The following ATP2B1 variants were observed in gnomAD, a reference collection of about 807,000 sequenced individuals.
The protein encoded by ATP2B1 is ATPase plasma membrane Ca2+ transporting 1, also known as plasma membrane calcium-transporting ATPase 1.
ATP2B1 carries 14 observed loss-of-function variants against 124.2 expected under a neutral mutation model. The ratio of observed to expected loss-of-function variants is 0.11; its 90% CI spans 0.07 to 0.18. The LOEUF is 0.18. Among genes scored for constraint, ATP2B1 ranks in the 10% least tolerant of loss-of-function variants. ATP2B1 has a pLI of 1.00. For missense variants in ATP2B1, 763 were observed against 1,466.1 expected (o/e 0.52, Z 7.83); for synonymous variants, 449 against 492.4 (o/e 0.91, Z 1.17).
At chr12:89,701,042 T>A (rs1593019470) in intron 1 of ATP2B1, among the ~76,000 whole-genome samples, 1 of 152,348 alleles carries the variant, frequency 6.6e-6, no homozygotes, top group African/African-American at 2.4e-5. Flanking sequence ...ATAGAAATGA[T>A]AAAGTCAAAT....
chr12:89,647,827 A>G (rs956284617), intron 2 of ATP2B1, among the ~76,000 whole-genome samples: 18 of 152,076 alleles, frequency 1.2e-4, no homozygotes, highest in African/African-American at 2.2e-4. Flanking sequence ...CCCCTTGGTA[A>G]TAAGAGAGTT....
In ATP2B1 at chr12:89,599,204, C is replaced by G. The variant is rs1358799271; in HGVS notation, c.3264G>C (p.Glu1088Asp). The G allele has an allele frequency of 1.2e-6, 2 of 1,614,062 alleles. No individual in the cohort carries two copies. The highest frequency in any genetic ancestry group is 1.7e-6 in the Non-Finnish European group (2 of 1,180,030). The change falls in exon 20 of 21, where the codon GAG becomes GAC. Residue 1088 changes from glutamate (E) to aspartate (D), a missense_variant. Around this residue, in one of 7 missense-constraint regions of ATP2B1, gnomAD observed 118 missense variants for 240.3 expected, o/e 0.49. Transcript: ENST00000428670. ...KEEIPEEELA[E>D]DVEEIDHAER... Reference sequence around the variant, plus strand: ...CAGCGTGATCAATCTCTTCAACATCCTCTGCTAATTCCTCCTCAGGTATTT... The same window carrying G: ...CAGCGTGATCAATCTCTTCAACATCGTCTGCTAATTCCTCCTCAGGTATTT...
In ATP2B1 at chr12:89,591,164, A is replaced by T; in HGVS notation, c.3483T>A (p.Leu1161=). The T allele has an allele frequency of 6.2e-7, 1 of 1,613,316 alleles. No homozygotes were observed. Among genetic ancestry groups the T allele is most frequent in the South Asian group, 1.1e-5 (1 of 91,068 alleles). Residue 1161 remains leucine (L), a synonymous_variant, in exon 21 of 21, where the codon CTT becomes CTA. Coordinates refer to ENST00000428670, the MANE Select transcript of ATP2B1 (RefSeq NM_001366521.1). The part of the protein sequence containing the change: ...RIEDSEPHIP[L]IDDTDAEDDA... Reference sequence around the variant, plus strand: ...CATCTTCGGCATCAGTGTCATCAATAAGGGGGATATGAGGCTCTGAATCTT... The same window carrying T: ...CATCTTCGGCATCAGTGTCATCAATTAGGGGGATATGAGGCTCTGAATCTT...
chr12:89,689,538 A>T (rs1890319302), intron 1 of ATP2B1, among the ~76,000 whole-genome samples: 1 of 152,140 alleles, frequency 6.6e-6, no homozygotes, highest in South Asian at 2.1e-4. Context: ...TTCTGGCCCC[A>T]GACAAATGCA....
At chr12:89,694,726 T>C (rs911085974) in intron 1 of ATP2B1, among the ~76,000 whole-genome samples, 3 of 152,020 alleles carry the variant, frequency 2.0e-5, no homozygotes, top group Non-Finnish European at 2.9e-5. Flanking sequence ...ACCCTCCAAA[T>C]GTAATTGTGA....
chr12:89,674,740 G>A (rs1401215851), intron 1 of ATP2B1, among the ~76,000 whole-genome samples: 1 of 152,180 alleles, frequency 6.6e-6, no homozygotes, highest in Non-Finnish European at 1.5e-5. Flanking sequence ...CAACTATTAA[G>A]GGGCAGAGCT....
In ATP2B1 at chr12:89,599,093, CCT is replaced by C. The variant is rs1565798979; in HGVS notation, c.3351+22_3351+23del. ...AAAAGCCCTGGCTCCCATCATCTCT[CCT>C]ACCTCTCTACCAGGCCCATACCTGT... On this transcript the variant is annotated intron_variant, in intron 20 of 20. Transcript: ENST00000428670. 3 of 1,608,534 alleles carry C rather than the reference CCT, an allele frequency of 1.9e-6. No individual in the cohort carries two copies. The South Asian group carries it at 3.3e-5, about 18-fold the overall frequency.
At chr12:89,629,452 G>A (rs1881490508) in intron 6 of ATP2B1, among the ~76,000 whole-genome samples, 1 of 152,148 alleles carries the variant, frequency 6.6e-6, no homozygotes, top group Non-Finnish European at 1.5e-5. Flanking sequence ...GAAGCACATT[G>A]AGAACTGCTT....
intron 1 of ATP2B1, among the ~76,000 whole-genome samples, chr12:89,682,460 C>T (rs1192104399): frequency 6.6e-6 from 1 of 152,126 alleles, no homozygotes; most frequent in Non-Finnish European, 1.5e-5. Context: ...TACTAAAATA[C>T]ACTGTAAAGT....
At chr12:89,621,444 TAAC>T (rs1298102117) in intron 10 of ATP2B1, 102 bp downstream of exon 10, 71 of 914,588 alleles carry the variant, frequency 7.8e-5, no homozygotes, top group East Asian at 9.3e-5. Context: ...TTTAAAAACT[TAAC>T]AGTTCAGTTT....
chr12:89,630,479 C>A, intron 6 of ATP2B1, 26 bp downstream of exon 6: 1 of 1,496,622 alleles, frequency 6.7e-7, no homozygotes, highest in South Asian at 1.4e-5. Flanking sequence ...TTCCAAATAC[C>A]AATTATAGAA....
chr12:89,617,107 AC>A, intron 11 of ATP2B1, 68 bp from the exon 12 acceptor site: 1 of 1,202,720 alleles, frequency 8.3e-7, no homozygotes. Context: ...ATTTAAGTGA[AC>A]TGGCAGGCCT....
chr12:89,635,175 C>T lies in ATP2B1; in HGVS notation c.483G>A (p.Leu161=), dbSNP rs377147803. ...TGWIEGAAIL[L]SVVCVVLVTA... Reference sequence around the variant, plus strand: ...TTACTAACACCACACACACTACAGACAAGAGGATTGCAGCTCCTTCAATCC... The same window carrying T: ...TTACTAACACCACACACACTACAGATAAGAGGATTGCAGCTCCTTCAATCC... Residue 161 remains leucine, a synonymous_variant, in exon 4 of 21, where the codon TTG becomes TTA. Coordinates refer to ENST00000428670, the MANE Select transcript of ATP2B1 (RefSeq NM_001366521.1). 4.2e-5 allele frequency: 67 copies of T among 1,613,850 alleles called. No homozygotes were observed. The highest frequency in any genetic ancestry group is 5.0e-5 in the Non-Finnish European group (59 of 1,179,874).
At chr12:89,632,090 G>A (rs1010397871) in intron 5 of ATP2B1, among the ~76,000 whole-genome samples, 159 of 151,944 alleles carry the variant, frequency 1.0e-3, no homozygotes, top group African/African-American at 3.6e-3. Flanking sequence ...TCACTAAAAG[G>A]CTTCTAATCC....
intron 1 of ATP2B1, among the ~76,000 whole-genome samples, chr12:89,683,846 G>GGAA (rs1158983580): frequency 6.6e-6 from 1 of 152,070 alleles, no homozygotes; most frequent in Non-Finnish European, 1.5e-5. Flanking sequence ...CTCAATTCCA[G>GGAA]GAATCCACTT....
intron 1 of ATP2B1, among the ~76,000 whole-genome samples, chr12:89,670,883 A>G (rs919502357): frequency 6.6e-6 from 1 of 151,488 alleles, no homozygotes; most frequent in African/African-American, 2.4e-5. Context: ...ACATGCCCAC[A>G]TACAACAGAA....
chr12:89,663,657 A>G (rs1356926335), intron 1 of ATP2B1, among the ~76,000 whole-genome samples: 1 of 152,170 alleles, frequency 6.6e-6, no homozygotes, highest in Non-Finnish European at 1.5e-5. Flanking sequence ...AAATCAACCC[A>G]TGACAATCTA....
chr12:89,626,378 A>G, intron 8 of ATP2B1, 76 bp downstream of exon 8: 1 of 1,452,482 alleles, frequency 6.9e-7, no homozygotes, highest in Non-Finnish European at 9.2e-7. Flanking sequence ...TCCAGCCTTA[A>G]GTGTGTCAAA....
intron 1 of ATP2B1, among the ~76,000 whole-genome samples, chr12:89,701,672 G>C (rs1050911193): frequency 1.6e-4 from 24 of 152,270 alleles, no homozygotes; most frequent in African/African-American, 5.5e-4. Context: ...CTTCTCTACA[G>C]GCAGGACTTT....
Sources: allele counts gnomAD v4.1 joint callset (sites outside exome capture counted in the v4.1 genomes callset), GRCh38; gene constraint gnomAD v4.1.1; regional missense constraint gnomAD v4.1.1; transcripts MANE v1.5; gene names NCBI Gene and HGNC (gene_info 2026-07-23, HGNC 2026-07-21).